TENM2: variants seen among roughly 807,000 people sequenced by gnomAD.
TENM2 encodes the protein teneurin-2.
In TENM2, 52 loss-of-function variants were observed where a neutral mutation model predicts 245.2. That is an observed-to-expected ratio of 0.21 (90% CI 0.17 to 0.27). TENM2 has a LOEUF of 0.27. Ranked by LOEUF, TENM2 falls within the 10% of genes least tolerant of loss-of-function variation. TENM2 has a pLI of 1.00. For synonymous variants in TENM2, 1,363 were observed against 1,438.9 expected (o/e 0.95, Z 1.19); for missense variants, 3,046 against 3,666.8 (o/e 0.83, Z 4.37).
At chr5:167,366,950 C>G (rs1167080609) in intron 1 of TENM2, among the ~76,000 whole-genome samples, 1 of 152,162 alleles carries the variant, frequency 6.6e-6, no homozygotes, top group East Asian at 1.9e-4. Context: ...AAAACCATCT[C>G]CAACTAGCCA....
intron 2 of TENM2, among the ~76,000 whole-genome samples, chr5:167,561,696 C>T (rs1773600203): frequency 6.6e-6 from 1 of 152,154 alleles, no homozygotes. Flanking sequence ...TTTATTCCTG[C>T]TGTGAATAGA....
chr5:167,626,349 TTC>T (rs975623616), intron 2 of TENM2, among the ~76,000 whole-genome samples: 5 of 152,028 alleles, frequency 3.3e-5, no homozygotes, highest in Non-Finnish European at 7.4e-5. Context: ...TGCTGTGTGT[TTC>T]TGTCCTAGCT....
At chr5:167,563,532 T>G (rs1773723700) in intron 2 of TENM2, among the ~76,000 whole-genome samples, 1 of 152,088 alleles carries the variant, frequency 6.6e-6, no homozygotes, top group Non-Finnish European at 1.5e-5. Flanking sequence ...CTATCCAATC[T>G]CAGCATTGCC....
chr5:167,727,439 C>G (rs367587580), intron 2 of TENM2, among the ~76,000 whole-genome samples: 77 of 152,290 alleles, frequency 5.1e-4, no homozygotes, highest in African/African-American at 1.8e-3. Flanking sequence ...CATTGTTTTT[C>G]ACATGCCTTG....
At chr5:167,074,648 C>T in the TENM2 span, among the ~76,000 whole-genome samples, 4 of 152,188 alleles carry the variant, frequency 2.6e-5, no homozygotes, top group African/African-American at 4.8e-5. Flanking sequence ...AAGTAATTGA[C>T]GTCCAAGCAA....
At chr5:167,424,610 C>T (rs1763700563) in intron 2 of TENM2, among the ~76,000 whole-genome samples, 1 of 152,136 alleles carries the variant, frequency 6.6e-6, no homozygotes, top group South Asian at 2.1e-4. Flanking sequence ...CTGAAGAATG[C>T]TTAACCTCTC....
At chr5:167,646,835 C>A (rs1216211583) in intron 2 of TENM2, among the ~76,000 whole-genome samples, 1 of 152,118 alleles carries the variant, frequency 6.6e-6, no homozygotes, top group African/African-American at 2.4e-5. Context: ...ATGAAAAGGA[C>A]GCAGCTATAA....
chr5:167,161,127 T>G, the TENM2 span, among the ~76,000 whole-genome samples: 2 of 152,244 alleles, frequency 1.3e-5, no homozygotes, highest in African/African-American at 2.4e-5. Context: ...CATATTTCTT[T>G]CCTGCAGTAC....
At chr5:167,170,798 C>T in the TENM2 span, among the ~76,000 whole-genome samples, 9 of 152,332 alleles carry the variant, frequency 5.9e-5, no homozygotes, top group East Asian at 1.7e-3. Flanking sequence ...TAGCTAAATC[C>T]AGTGGCCTGA....
At chr5:168,139,302 C>G (rs1755332067) in intron 12 of TENM2, among the ~76,000 whole-genome samples, 1 of 152,156 alleles carries the variant, frequency 6.6e-6, no homozygotes, top group Non-Finnish European at 1.5e-5. Context: ...CCTTTTTTAT[C>G]TTTTAATCCT....
intron 2 of TENM2, among the ~76,000 whole-genome samples, chr5:167,692,692 G>A (rs886924094): frequency 5.3e-5 from 8 of 152,146 alleles, no homozygotes; most frequent in African/African-American, 1.9e-4. Context: ...TATCCAATAA[G>A]GTAGGGAGAC....
intron 2 of TENM2, among the ~76,000 whole-genome samples, chr5:167,467,997 C>T (rs1015200145): frequency 5.9e-5 from 9 of 152,118 alleles, no homozygotes; most frequent in Non-Finnish European, 1.2e-4. Context: ...AGTGCAGTGG[C>T]ACGATCTCGG....
At chr5:167,569,841 C>CCCATGTT (rs1282752851) in intron 2 of TENM2, among the ~76,000 whole-genome samples, 1 of 152,066 alleles carries the variant, frequency 6.6e-6, no homozygotes, top group African/African-American at 2.4e-5. Context: ...AAGAATTTGA[C>CCCATGTT]CCATGTTCCA....
chr5:167,886,115 G>A (rs1253629029), intron 3 of TENM2, among the ~76,000 whole-genome samples: 1 of 152,154 alleles, frequency 6.6e-6, no homozygotes, highest in Non-Finnish European at 1.5e-5. Flanking sequence ...TTGGCTAGAG[G>A]ACATGGACAC....
the TENM2 span, among the ~76,000 whole-genome samples, chr5:167,273,979 T>G: frequency 6.6e-6 from 1 of 152,126 alleles, no homozygotes; most frequent in African/African-American, 2.4e-5. Flanking sequence ...AGATATCCAA[T>G]GGGCAATGAC....
At chr5:167,159,575 T>A in the TENM2 span, among the ~76,000 whole-genome samples, 6 of 152,224 alleles carry the variant, frequency 3.9e-5, no homozygotes, top group African/African-American at 1.4e-4. Flanking sequence ...TCATATTCTA[T>A]ATGATAAATA....
chr5:167,798,994 G>A (rs1425010824), intron 2 of TENM2, among the ~76,000 whole-genome samples: 1 of 152,206 alleles, frequency 6.6e-6, no homozygotes, highest in Non-Finnish European at 1.5e-5. Flanking sequence ...AGGAGGCTTT[G>A]ATGGGGTTAG....
chr5:167,178,438 G>T, the TENM2 span, among the ~76,000 whole-genome samples: 1 of 152,136 alleles, frequency 6.6e-6, no homozygotes, highest in Non-Finnish European at 1.5e-5. Flanking sequence ...CCTGGTCGGG[G>T]CTCTTGGTCC....
At chr5:167,067,934 C>T in the TENM2 span, among the ~76,000 whole-genome samples, 9 of 152,134 alleles carry the variant, frequency 5.9e-5, no homozygotes, top group Non-Finnish European at 8.8e-5. Flanking sequence ...ATAAATTTGC[C>T]ATTAAAAGCA....
Sources: gnomAD v4.1 joint callset for allele counts (sites outside exome capture counted in the v4.1 genomes callset) on GRCh38, gnomAD v4.1.1 for gene constraint, MANE v1.5 for transcripts, NCBI Gene and HGNC (gene_info 2026-07-23, HGNC 2026-07-21) for gene names.